TMEM273: variants seen among roughly 807,000 people sequenced by gnomAD.
TMEM273 encodes transmembrane protein 273, also known as chromosome 10 open reading frame 128.
TMEM273 carries 19 observed loss-of-function variants against 17.9 expected under a neutral mutation model. The observed-to-expected ratio is 1.06, with a 90% CI of 0.74 to 1.55. The LOEUF is 1.55. TMEM273 is among the 40% of genes most tolerant of loss of function. TMEM273 has a pLI of 0.00. For synonymous variants in TMEM273, 66 were observed against 62.0 expected, an observed-to-expected ratio of 1.07 and a Z score of -0.31; for missense variants, 194 against 155.6, an observed-to-expected ratio of 1.25 and a Z score of -1.31.
In TMEM273 at chr10:49,186,068, G is replaced by GGAAGAAGAA. The variant is rs35480919; in HGVS notation, c.43+2217_43+2225dup. On this transcript the variant is annotated intron_variant, in intron 1 of 6. Coordinates refer to ENST00000374153, the MANE Select transcript of TMEM273 (RefSeq NM_001288740.3). ...AAGAAGAAGAGGAAGAAGAAGAAGA[G>GGAAGAAGAA]GAAGAAGAAGAAGAAGAAGAAGAAG... is the stretch of plus-strand genomic sequence containing the variant. Among the ~76,000 whole-genome samples the GGAAGAAGAA allele has an allele frequency of 4.1e-3, 273 of 67,132 alleles. 8 individuals are homozygous for GGAAGAAGAA. The highest frequency in any genetic ancestry group is 0.016 in the Middle Eastern group (2 of 122). The allele number at this position is 67,132 out of a possible 152,430, so 44.0% of individuals were successfully genotyped here.
At chr10:49,168,641 T>G (rs1334065498) in intron 1 of TMEM273, among the ~76,000 whole-genome samples, 1 of 137,428 alleles carries the variant, frequency 7.3e-6, no homozygotes, top group South Asian at 2.2e-4. Flanking sequence ...GAGGCATTAA[T>G]AGACATTGGT....
In TMEM273 at chr10:49,155,537, T is replaced by TAAAAAA; in HGVS notation, c.*354_*355insTTTTTT. The TAAAAAA allele has an allele frequency of 8.8e-6, 3 of 341,534 alleles. No homozygotes were observed. Among genetic ancestry groups the TAAAAAA allele is most frequent in the Non-Finnish European group, 1.6e-5 (3 of 185,910 alleles). 21.2% of individuals were successfully genotyped at this position (341,534 alleles called of 1,614,324 possible). On this transcript the variant is annotated 3_prime_UTR_variant, in exon 7 of 7. Transcript: ENST00000374153. Reference sequence around the variant, plus strand: ...GCTGTGTGTTGGGTCGGATTCCCCTTTTCATGAGCCATTTTCTGTGGTAGG... The same window carrying TAAAAAA: ...GCTGTGTGTTGGGTCGGATTCCCCTTAAAAAATTCATGAGCCATTTTCTGTGGTAGG...
At chr10:49,172,188 C>T (rs184315802) in intron 1 of TMEM273, among the ~76,000 whole-genome samples, 1 of 152,288 alleles carries the variant, frequency 6.6e-6, no homozygotes, top group African/African-American at 2.4e-5. Context: ...TCCTTATTCT[C>T]CTAACAGGGC....
intron 1 of TMEM273, among the ~76,000 whole-genome samples, chr10:49,187,510 C>T (rs539396786): frequency 3.3e-5 from 5 of 152,294 alleles, no homozygotes; most frequent in Admixed American, 2.6e-4. Context: ...GGGACGTATG[C>T]TGCCTTTTTA....
At chr10:49,178,234 T>A (rs1235373749) in intron 1 of TMEM273, 4 of 457,222 alleles carry the variant, frequency 8.7e-6, no homozygotes, top group Non-Finnish European at 1.8e-5. Flanking sequence ...ATGCTGCCCT[T>A]GCCCGGGGCC....
chr10:49,180,336 T>C (rs1452333018), intron 1 of TMEM273, among the ~76,000 whole-genome samples: 1 of 152,148 alleles, frequency 6.6e-6, no homozygotes, highest in East Asian at 1.9e-4. Flanking sequence ...CTTCTGGCAA[T>C]AATTGACTCA....
In TMEM273 at chr10:49,165,197, G is replaced by A. The variant is rs1314417519; in HGVS notation, c.348+8C>T. The A allele has an allele frequency of 3.9e-6, 6 of 1,548,280 alleles. No individual in the cohort carries two copies. The East Asian group carries it at 9.8e-5, about 25-fold the overall frequency. On this transcript the variant is annotated splice_region_variant and intron_variant, in intron 5 of 6. Transcript: ENST00000374153. ...AGAATGGTGGCTGGAGTCGAGAGGG[G>A]ATTGTACCTTAAATAGGCCCTCCAT...
chr10:49,172,240 C>T (rs1171803173), intron 1 of TMEM273, among the ~76,000 whole-genome samples: 3 of 152,094 alleles, frequency 2.0e-5, no homozygotes, highest in Non-Finnish European at 4.4e-5. Flanking sequence ...TTCCAGGGGG[C>T]CCCAGTGCCT....
chr10:49,155,690 CT>C lies in TMEM273; in HGVS notation c.*201del. 1.4e-6 allele frequency: 1 copy of C among 700,684 alleles called. No homozygotes were observed. The highest frequency in any genetic ancestry group is 2.4e-6 in the Non-Finnish European group (1 of 422,972). The allele number at this position is 700,684 out of a possible 1,614,324, so 43.4% of individuals were successfully genotyped here. A position where few individuals can be genotyped will look rare whatever the true frequency, so the allele number is the denominator to read the frequency against. Reference sequence around the variant, plus strand: ...AATCCTTCCTCTGTGCAGTCCGTTTCTTCCAGAAGAGGCATGATATTTTCCT... The same window carrying C: ...AATCCTTCCTCTGTGCAGTCCGTTTCTCCAGAAGAGGCATGATATTTTCCT... On this transcript the variant is annotated 3_prime_UTR_variant, in exon 7 of 7. Coordinates refer to ENST00000374153, the MANE Select transcript of TMEM273 (RefSeq NM_001288740.3).
chr10:49,186,554 C>T (rs1250381097), intron 1 of TMEM273, among the ~76,000 whole-genome samples: 1 of 152,230 alleles, frequency 6.6e-6, no homozygotes, highest in Non-Finnish European at 1.5e-5. Flanking sequence ...CCACTTATCA[C>T]ATCCCATGCT....
chr10:49,157,885 A>G (rs1460118165), intron 6 of TMEM273, among the ~76,000 whole-genome samples: 6 of 152,228 alleles, frequency 3.9e-5, no homozygotes, highest in Non-Finnish European at 5.9e-5. Context: ...GGGAAAGAAG[A>G]TCTGTATTTT....
intron 1 of TMEM273, among the ~76,000 whole-genome samples, chr10:49,168,181 G>C (rs1355331236): frequency 1.3e-5 from 2 of 152,150 alleles, no homozygotes; most frequent in Non-Finnish European, 2.9e-5. Flanking sequence ...ACTTCAGTCA[G>C]CCGTTCAGCA....
intron 1 of TMEM273, among the ~76,000 whole-genome samples, chr10:49,176,812 T>C (rs920415434): frequency 1.3e-5 from 2 of 152,202 alleles, no homozygotes; most frequent in Non-Finnish European, 2.9e-5. Flanking sequence ...GACAGATCAT[T>C]CGTAAACCCT....
rs533485687 is a variant in TMEM273, at chr10:49,173,365, T to C, written c.44-5403A>G. 1.2e-4 allele frequency among the ~76,000 whole-genome samples: 18 copies of C among 152,324 alleles called. No individual in the cohort carries two copies. The East Asian group carries it at 3.3e-3, about 28-fold the overall frequency. On this transcript the variant is annotated intron_variant, in intron 1 of 6. Coordinates refer to ENST00000374153, the MANE Select transcript of TMEM273 (RefSeq NM_001288740.3). Reference sequence around the variant, plus strand: ...ACTGGGAGATAGGAGCAGAGAAGGCTGGCTGTGAAGGAGGAGCTATACCAC... The same window carrying C: ...ACTGGGAGATAGGAGCAGAGAAGGCCGGCTGTGAAGGAGGAGCTATACCAC...
At chr10:49,176,802 G>A (rs1847007654) in intron 1 of TMEM273, among the ~76,000 whole-genome samples, 1 of 152,204 alleles carries the variant, frequency 6.6e-6, no homozygotes, top group Non-Finnish European at 1.5e-5. Flanking sequence ...CACTTACCGG[G>A]ACAGATCATT....
At chr10:49,162,741 T>C (rs749711968) in intron 5 of TMEM273, among the ~76,000 whole-genome samples, 1 of 152,142 alleles carries the variant, frequency 6.6e-6, no homozygotes, top group Non-Finnish European at 1.5e-5. Flanking sequence ...GCCAGGGTCT[T>C]CGCCATGGCC....
At chr10:49,183,105 A>G (rs1007409010) in intron 1 of TMEM273, among the ~76,000 whole-genome samples, 2 of 152,234 alleles carry the variant, frequency 1.3e-5, no homozygotes, top group African/African-American at 2.4e-5. Context: ...CACCCCCGCC[A>G]TACCTGTCCT....
rs972071689 is a variant in TMEM273, at chr10:49,183,380, TAG to T, written c.43+4912_43+4913del. 2.0e-5 allele frequency among the ~76,000 whole-genome samples: 3 copies of T among 151,742 alleles called. No homozygotes were observed. The East Asian group carries it at 5.8e-4, about 29-fold the overall frequency. On this transcript the variant is annotated intron_variant, in intron 1 of 6. Transcript: ENST00000374153. Reference sequence around the variant, plus strand: ...GTGTGTGTGTGTGTGTGTGTGTGTATAGAGAGAGAAAGAGAAAGAGGCAATAT... The same window carrying T: ...GTGTGTGTGTGTGTGTGTGTGTGTATAGAGAGAAAGAGAAAGAGGCAATAT...
chr10:49,178,133 G>A, intron 1 of TMEM273: 2 of 456,046 alleles, frequency 4.4e-6, no homozygotes, highest in Admixed American at 2.4e-5. Context: ...ACAGAATAAG[G>A]CCCAATGTCC....
Sources: gnomAD v4.1 joint callset for allele counts (sites outside exome capture counted in the v4.1 genomes callset) on GRCh38, gnomAD v4.1.1 for gene constraint, MANE v1.5 for transcripts, NCBI Gene and HGNC (gene_info 2026-07-23, HGNC 2026-07-21) for gene names.